CERKL: variants seen among roughly 807,000 people sequenced by gnomAD.
CERKL encodes ceramide kinase-like protein.
CERKL carries 61 observed loss-of-function variants against 63.4 expected under a neutral mutation model. The ratio of observed to expected loss-of-function variants is 0.96; its 90% CI spans 0.78 to 1.19. CERKL has a LOEUF of 1.19. CERKL is among the 50% of genes most tolerant of loss of function. The pLI is 0.00. For synonymous variants in CERKL, 250 were observed against 230.5 expected (o/e 1.08, Z -0.77); for missense variants, 675 against 655.5 (o/e 1.03, Z -0.33).
intron 4 of CERKL, among the ~76,000 whole-genome samples, chr2:181,562,712 T>C (rs1170333360): frequency 6.6e-6 from 1 of 152,156 alleles, no homozygotes; most frequent in African/African-American, 2.4e-5. Flanking sequence ...TGATAATATA[T>C]CCTTTTTCAA....
Position 181,538,236 on chromosome 2 carries a change from G to GGATGCAATCTGTAAAGAAAA in CERKL, c.1539-12_1546dup (p.Pro516LeufsTer21). ...TCCTCCATAAAGACTGATAAGTCTT[G>GGATGCAATCTGTAAAGAAAA]GATGCAATCTGTAAAGAAAATACAT... On this transcript the variant is annotated frameshift_variant, in exon 13 of 13. Coordinates refer to ENST00000410087, the MANE Select transcript of CERKL (RefSeq NM_201548.5). LOFTEE classifies it high-confidence loss of function. 6.4e-7 allele frequency: 1 copy of GGATGCAATCTGTAAAGAAAA among 1,573,384 alleles called. No homozygotes were observed. The highest frequency in any genetic ancestry group is 8.7e-7 in the Non-Finnish European group (1 of 1,144,180).
chr2:181,553,846 G>A (rs1489958205), intron 5 of CERKL, among the ~76,000 whole-genome samples: 1 of 152,156 alleles, frequency 6.6e-6, no homozygotes, highest in East Asian at 1.9e-4. Flanking sequence ...ATTTTGTTGG[G>A]ATAATCTGAA....
At chr2:181,603,450 G>T (rs1430907151) in intron 2 of CERKL, among the ~76,000 whole-genome samples, 1 of 152,088 alleles carries the variant, frequency 6.6e-6, no homozygotes, top group Non-Finnish European at 1.5e-5. Flanking sequence ...CAGACAAACA[G>T]TACAGAAAAA....
intron 1 of CERKL, among the ~76,000 whole-genome samples, chr2:181,614,275 T>C (rs1686099291): frequency 6.6e-6 from 1 of 152,206 alleles, no homozygotes; most frequent in South Asian, 2.1e-4. Flanking sequence ...TCAGCTGAAA[T>C]CTAAAAAGGT....
chr2:181,589,243 A>G (rs908279657), intron 2 of CERKL, among the ~76,000 whole-genome samples: 2 of 152,194 alleles, frequency 1.3e-5, no homozygotes, highest in South Asian at 4.1e-4. Flanking sequence ...CATTTGCCCA[A>G]TTGTATGATG....
chr2:181,573,939 T>G, intron 2 of CERKL, 55 bp from the exon 3 acceptor site: 1 of 1,554,108 alleles, frequency 6.4e-7, no homozygotes, highest in Non-Finnish European at 8.8e-7. Flanking sequence ...ATTTTTTTTC[T>G]TTCCCTTTAA....
chr2:181,559,396 T>G lies in CERKL; in HGVS notation c.678-688A>C, dbSNP rs1211181698. 2.0e-5 allele frequency among the ~76,000 whole-genome samples: 3 copies of G among 152,192 alleles called. No homozygotes were observed. The East Asian group carries it at 5.8e-4, about 29-fold the overall frequency. ...CAGAAATTCATTTCATAATCATTTA[T>G]GTTCAAAAGAAGCAAAATATTCTTA... is the stretch of plus-strand genomic sequence containing the variant. On this transcript the variant is annotated intron_variant, in intron 4 of 12. Transcript: ENST00000410087.
chr2:181,565,433 C>A, intron 4 of CERKL: 2 of 1,610,506 alleles, frequency 1.2e-6, no homozygotes, highest in African/African-American at 2.7e-5. Context: ...TATCACTTGC[C>A]TTGGTTCTAA....
chr2:181,552,348 C>T (rs983235983), intron 5 of CERKL, among the ~76,000 whole-genome samples: 4 of 152,264 alleles, frequency 2.6e-5, no homozygotes, highest in South Asian at 2.1e-4. Flanking sequence ...AATTGAATCA[C>T]GGGGGTGGTT....
intron 4 of CERKL, among the ~76,000 whole-genome samples, chr2:181,564,365 A>G (rs968937800): frequency 6.6e-6 from 1 of 152,192 alleles, no homozygotes; most frequent in Non-Finnish European, 1.5e-5. Flanking sequence ...AGCATGCCAT[A>G]GAGTTTAGAA....
Position 181,537,441 on chromosome 2 carries a change from C to T in CERKL, c.*743G>A, listed in dbSNP as rs201433997. The T allele has an allele frequency of 7.7e-5, 35 of 453,734 alleles. No homozygotes were observed. The highest frequency in any genetic ancestry group is 1.3e-5 in the Non-Finnish European group (3 of 226,708). The allele number at this position is 453,734 out of a possible 1,614,324, so 28.1% of individuals were successfully genotyped here. A position where few individuals can be genotyped will look rare whatever the true frequency, so the allele number is the denominator to read the frequency against. ...TATCAACTTACTTTGTTACTTGTAT[C>T]ATGAATTTTAAAACCCTACCACTTT... On this transcript the variant is annotated 3_prime_UTR_variant, in exon 13 of 13. Coordinates refer to ENST00000410087, the MANE Select transcript of CERKL (RefSeq NM_201548.5).
At chr2:181,635,225 T>C (rs1301129586) in intron 1 of CERKL, among the ~76,000 whole-genome samples, 1 of 152,116 alleles carries the variant, frequency 6.6e-6, no homozygotes, top group African/African-American at 2.4e-5. Flanking sequence ...TTGATCCCAA[T>C]GAAAAACATT....
At chr2:181,599,811 A>G (rs924765081) in intron 2 of CERKL, among the ~76,000 whole-genome samples, 2 of 152,174 alleles carry the variant, frequency 1.3e-5, no homozygotes, top group African/African-American at 4.8e-5. Flanking sequence ...AATTTCCCTA[A>G]TCTTGCCAGA....
intron 12 of CERKL, 37 bp from the exon 13 acceptor site, chr2:181,538,281 G>GTTGT (rs1258381140): frequency 1.5e-6 from 2 of 1,342,862 alleles, no homozygotes; most frequent in African/African-American, 2.9e-5. Flanking sequence ...AACTTATTTT[G>GTTGT]TTGTTTTTCA....
chr2:181,657,064 G>A lies in CERKL; in HGVS notation c.-58C>T. 2 of 1,456,398 alleles carry A rather than the reference G, an allele frequency of 1.4e-6. No individual in the cohort carries two copies. 90.2% of individuals were successfully genotyped at this position (1,456,398 alleles called of 1,614,324 possible). On this transcript the variant is annotated 5_prime_UTR_variant, in exon 1 of 13. Coordinates refer to ENST00000410087, the MANE Select transcript of CERKL (RefSeq NM_201548.5). The stretch of plus-strand genomic sequence containing the variant: ...TCCGGGGAGGCCTTTGGAGAAGGAG[G>A]TGGAGGGCGCGGCAGCCCCAGCTCT...
Position 181,612,443 on chromosome 2 carries a change from A to AT in CERKL, c.239-8365dup, listed in dbSNP as rs562300329. On this transcript the variant is annotated intron_variant, in intron 1 of 12. Transcript: ENST00000410087. ...CTCTAGTTATTCCCTCAGGACCATG[A>AT]TTTTTTTACTATAGCTAAGTTTTGC... Among the ~76,000 whole-genome samples the AT allele has an allele frequency of 2.2e-3, 332 of 152,218 alleles. 2 individuals are homozygous for AT. Among genetic ancestry groups the AT allele is most frequent in the African/African-American group, 6.8e-3 (283 of 41,540 alleles).
Position 181,634,786 on chromosome 2 carries a change from T to C in CERKL, c.238+21983A>G, listed in dbSNP as rs188013646. Among the ~76,000 whole-genome samples the C allele has an allele frequency of 6.4e-4, 98 of 152,272 alleles. 1 individual carries two copies. In the Middle Eastern group the frequency reaches 0.01, roughly 16 times the overall value. Reference sequence around the variant, plus strand: ...CAAAATCAGTTATTTCAACCTGATGTCCTATACCCGCTAGTTAAGCAATAA... The same window carrying C: ...CAAAATCAGTTATTTCAACCTGATGCCCTATACCCGCTAGTTAAGCAATAA... On this transcript the variant is annotated intron_variant, in intron 1 of 12. Coordinates refer to ENST00000410087, the MANE Select transcript of CERKL (RefSeq NM_201548.5).
Position 181,598,044 on chromosome 2 carries a change from G to A in CERKL, c.481+5793C>T, listed in dbSNP as rs192673410. Among the ~76,000 whole-genome samples, 455 of 152,236 alleles carry A rather than the reference G, an allele frequency of 3.0e-3. 4 individuals carry two copies. Among genetic ancestry groups the A allele is most frequent in the African/African-American group, 9.9e-3 (411 of 41,534 alleles). On this transcript the variant is annotated intron_variant, in intron 2 of 12. Transcript: ENST00000410087. ...GTGGCAATACCCTCCCACCCCACAC[G>A]CTGTTGAAGACGCAGCAGTGGTTCT...
At chr2:181,584,059 C>T (rs72885331) in intron 2 of CERKL, among the ~76,000 whole-genome samples, 4,358 of 152,150 alleles carry the variant, frequency 0.029, 79 homozygotes, top group Non-Finnish European at 0.047. Context: ...AACACATTGG[C>T]AGAATAAAAT....
Sources: allele counts gnomAD v4.1 joint callset (sites outside exome capture counted in the v4.1 genomes callset), GRCh38; gene constraint gnomAD v4.1.1; transcripts MANE v1.5; gene names NCBI Gene and HGNC (gene_info 2026-07-23, HGNC 2026-07-21).